RAP1GDS1: variants seen among roughly 807,000 people sequenced by gnomAD.
RAP1GDS1 encodes Rap1 GTPase-GDP dissociation stimulator 1.
RAP1GDS1 carries 35 observed loss-of-function variants against 71.1 expected under a neutral mutation model. The ratio of observed to expected loss-of-function variants is 0.49; its 90% CI spans 0.38 to 0.65. RAP1GDS1 has a LOEUF of 0.65. Among genes scored for constraint, RAP1GDS1 ranks in the 30% least tolerant of loss-of-function variants. The pLI is 0.00. For synonymous variants in RAP1GDS1, 229 were observed against 243.1 expected (o/e 0.94, Z 0.54); for missense variants, 663 against 706.1 (o/e 0.94, Z 0.69).
chr4:98,400,625 G>C (rs548611148), intron 6 of RAP1GDS1, among the ~76,000 whole-genome samples: 1 of 151,786 alleles, frequency 6.6e-6, no homozygotes, highest in African/African-American at 2.4e-5. Flanking sequence ...CAAAATTACA[G>C]CTAGATAGGA....
chr4:98,316,939 A>G (rs1389601173), intron 2 of RAP1GDS1, among the ~76,000 whole-genome samples: 1 of 152,172 alleles, frequency 6.6e-6, no homozygotes, highest in Non-Finnish European at 1.5e-5. Context: ...GGATGCCGCT[A>G]TGGGATGGGA....
At chr4:98,337,522 A>G (rs778603934) in intron 2 of RAP1GDS1, among the ~76,000 whole-genome samples, 5 of 152,236 alleles carry the variant, frequency 3.3e-5, no homozygotes, top group African/African-American at 9.6e-5. Context: ...AATATGAAGA[A>G]CATGACCTAT....
At chr4:98,262,566 T>C (rs1283279643) in intron 1 of RAP1GDS1, among the ~76,000 whole-genome samples, 1 of 152,256 alleles carries the variant, frequency 6.6e-6, no homozygotes, top group African/African-American at 2.4e-5. Context: ...TTTCTTTTAA[T>C]AGTAGCGACT....
intron 2 of RAP1GDS1, among the ~76,000 whole-genome samples, chr4:98,341,293 A>G (rs921632687): frequency 3.9e-5 from 6 of 152,176 alleles, no homozygotes; most frequent in African/African-American, 1.4e-4. Context: ...TGAAAATACT[A>G]TTTTCAAATT....
At chr4:98,393,218 T>C (rs1743992998) in intron 6 of RAP1GDS1, among the ~76,000 whole-genome samples, 1 of 152,230 alleles carries the variant, frequency 6.6e-6, no homozygotes, top group African/African-American at 2.4e-5. Context: ...AAAGCTCATC[T>C]TGATTTTAAC....
intron 2 of RAP1GDS1, among the ~76,000 whole-genome samples, chr4:98,331,062 A>C (rs1003712757): frequency 6.6e-6 from 1 of 152,208 alleles, no homozygotes; most frequent in African/African-American, 2.4e-5. Context: ...TCGGGAGGCC[A>C]AGGCGGGCAG....
At chr4:98,400,490 CTCACACATG>C (rs1240517839) in intron 6 of RAP1GDS1, among the ~76,000 whole-genome samples, 1 of 145,412 alleles carries the variant, frequency 6.9e-6, no homozygotes, top group Non-Finnish European at 1.5e-5. Flanking sequence ...ACTGTATGTT[CTCACACATG>C]TGGAAGCTTA....
At chr4:98,279,486 A>G (rs967788283) in intron 1 of RAP1GDS1, among the ~76,000 whole-genome samples, 1 of 151,672 alleles carries the variant, frequency 6.6e-6, no homozygotes, top group African/African-American at 2.4e-5. Flanking sequence ...ATATGGAAAA[A>G]AACAGGAATT....
chr4:98,337,731 A>G (rs1371021174), intron 2 of RAP1GDS1, among the ~76,000 whole-genome samples: 4 of 152,292 alleles, frequency 2.6e-5, no homozygotes, highest in South Asian at 2.1e-4. Context: ...ATTAGCTAAA[A>G]TGGTAGGGTG....
At chr4:98,367,262 G>GA (rs1560909835) in intron 4 of RAP1GDS1, among the ~76,000 whole-genome samples, 1 of 152,204 alleles carries the variant, frequency 6.6e-6, no homozygotes, top group Non-Finnish European at 1.5e-5. Context: ...TCTATGTGGT[G>GA]TTGATCCTGC....
At chr4:98,349,578 A>C (rs919689963) in intron 3 of RAP1GDS1, among the ~76,000 whole-genome samples, 1 of 152,150 alleles carries the variant, frequency 6.6e-6, no homozygotes, top group South Asian at 2.1e-4. Flanking sequence ...TTTTCACGAT[A>C]CTGATTCGTC....
intron 7 of RAP1GDS1, among the ~76,000 whole-genome samples, chr4:98,411,764 T>C (rs1207889435): frequency 6.6e-6 from 1 of 152,250 alleles, no homozygotes; most frequent in East Asian, 1.9e-4. Context: ...TCTTTGCATG[T>C]ATCATCCTTC....
At chr4:98,383,593 AG>A (rs971877973) in intron 5 of RAP1GDS1, among the ~76,000 whole-genome samples, 8 of 151,502 alleles carry the variant, frequency 5.3e-5, no homozygotes, top group Non-Finnish European at 1.2e-4. Context: ...CTATGGTTGA[AG>A]GGAGGCCATG....
intron 4 of RAP1GDS1, among the ~76,000 whole-genome samples, chr4:98,360,363 C>A (rs1204759662): frequency 6.6e-6 from 1 of 152,042 alleles, no homozygotes; most frequent in Non-Finnish European, 1.5e-5. Flanking sequence ...CCAACCCCAC[C>A]CCCATTCTCT....
intron 2 of RAP1GDS1, among the ~76,000 whole-genome samples, chr4:98,328,275 T>C (rs1733434256): frequency 6.6e-6 from 1 of 152,220 alleles, no homozygotes; most frequent in South Asian, 2.1e-4. Context: ...CAGAAGCCAC[T>C]GATTGTTAAA....
At chr4:98,351,834 A>G (rs1427828860) in intron 3 of RAP1GDS1, among the ~76,000 whole-genome samples, 1 of 152,072 alleles carries the variant, frequency 6.6e-6, no homozygotes, top group African/African-American at 2.4e-5. Flanking sequence ...TTGACTCTTT[A>G]GACCTGTAAA....
intron 2 of RAP1GDS1, among the ~76,000 whole-genome samples, chr4:98,300,013 T>C (rs1456219093): frequency 6.6e-6 from 1 of 152,192 alleles, no homozygotes. Flanking sequence ...ATAAACGTAG[T>C]TGATAAAACA....
chr4:98,295,221 A>G (rs1040463525), intron 2 of RAP1GDS1, among the ~76,000 whole-genome samples: 1 of 152,144 alleles, frequency 6.6e-6, no homozygotes, highest in Non-Finnish European at 1.5e-5. Flanking sequence ...GGACTTATTC[A>G]CTGTACCTTT....
chr4:98,297,957 T>G (rs1728024857), intron 2 of RAP1GDS1, among the ~76,000 whole-genome samples: 1 of 152,186 alleles, frequency 6.6e-6, no homozygotes, highest in South Asian at 2.1e-4. Flanking sequence ...AAATTAAAAG[T>G]TCTACTCCAC....
Sources: gnomAD v4.1 joint callset for allele counts (sites outside exome capture counted in the v4.1 genomes callset) on GRCh38, gnomAD v4.1.1 for gene constraint, MANE v1.5 for transcripts, NCBI Gene and HGNC (gene_info 2026-07-23, HGNC 2026-07-21) for gene names.